Variants in ADGRG2 observed in about 807,000 individuals in gnomAD.
ADGRG2 encodes the protein G protein-coupled receptor 64.
Under a neutral mutation model 74.1 loss-of-function variants are expected in ADGRG2, and 26 were observed. The observed-to-expected ratio is 0.35, with a 90% CI of 0.26 to 0.49. The LOEUF (loss-of-function observed/expected upper bound fraction) is 0.49, where lower values mean the gene tolerates loss of function less well. Among genes scored for constraint, ADGRG2 ranks in the 20% least tolerant of loss-of-function variants. The pLI, the probability that ADGRG2 is intolerant of heterozygous loss-of-function variation, is 0.99. For synonymous variants in ADGRG2, 296 were observed against 295.2 expected (o/e 1.00, Z -0.03); for missense variants, 619 against 763.1 (o/e 0.81, Z 2.22).
intron 20 of ADGRG2, among the ~76,000 whole-genome samples, chrX:19,006,846 G>A (rs1029332005): frequency 4.8e-5 from 5 of 103,246 alleles, no homozygotes; most frequent in Non-Finnish European, 7.8e-5. Flanking sequence ...GCAGCCTTGA[G>A]CTCCCGGGCT....
At chrX:19,068,974 C>T (rs184356162) in intron 2 of ADGRG2, 139 bp from the exon 3 acceptor site, 3,736 of 346,465 alleles carry the variant, frequency 0.011, 118 homozygotes, top group African/African-American at 0.089. Context: ...GAATCAGAAA[C>T]GCCAGTTGGG....
At chrX:19,089,034 C>T (rs901741166) in intron 1 of ADGRG2, among the ~76,000 whole-genome samples, 7 of 111,699 alleles carry the variant, frequency 6.3e-5, no homozygotes, top group Non-Finnish European at 1.3e-4. Flanking sequence ...GATGAGGAAA[C>T]CCTTGCCCAT....
rs1451540427 is a variant in ADGRG2, at chrX:19,068,846, G to A, written c.-1-11C>T. On this transcript the variant is annotated splice_polypyrimidine_tract_variant and intron_variant, in intron 2 of 28. Transcript: ENST00000379869. ...ACAGAGAAAACCATCCTGGAATAAA[G>A]TAAGGAGAAGACAGATCATCACAGC... 1.1e-6 allele frequency: 1 copy of A among 874,090 alleles called. No homozygotes were observed. Among genetic ancestry groups the A allele is most frequent in the Admixed American group, 2.4e-5 (1 of 41,689 alleles). 72.0% of individuals were successfully genotyped at this position (874,090 alleles called of 1,213,427 possible). A position where few individuals can be genotyped will look rare whatever the true frequency, so the allele number is the denominator to read the frequency against.
Position 19,013,841 on chromosome X carries a change from G to C in ADGRG2, c.944C>G (p.Ala315Gly). 1 of 1,206,729 alleles carries C rather than the reference G, an allele frequency of 8.3e-7. No individual in the cohort carries two copies. The highest frequency in any genetic ancestry group is 1.1e-6 in the Non-Finnish European group (1 of 892,669). ...TTCAGACTGTGGGGGCATGTCAATGGCAGGGCTGGAAGCTATGGGAGCTGA... is the reference window on the plus strand; with the variant it reads ...TTCAGACTGTGGGGGCATGTCAATGCCAGGGCTGGAAGCTATGGGAGCTGA... ...QPSAPIASSPAIDMPPQSETI... is the reference protein window; with the variant it reads ...QPSAPIASSPGIDMPPQSETI... The change falls in exon 16 of 29, where the codon GCC becomes GGC. Residue 315 changes from alanine to glycine, a missense_variant. By Grantham distance (60) the Ala-to-Gly change is moderately conservative. This residue lies in a region of ADGRG2 where 292 missense variants were observed against 318.0 expected (regional missense o/e 0.92). Coordinates refer to ENST00000379869, the MANE Select transcript of ADGRG2 (RefSeq NM_001079858.3).
At chrX:18,993,765 AC>A (rs1005139106) in intron 28 of ADGRG2, among the ~76,000 whole-genome samples, 1 of 111,453 alleles carries the variant, frequency 9.0e-6, no homozygotes, top group Non-Finnish European at 1.9e-5. Context: ...AGATGTATGA[AC>A]CTTCTCACAA....
chrX:19,047,581 A>G (rs2061219661), intron 3 of ADGRG2, among the ~76,000 whole-genome samples: 1 of 112,412 alleles, frequency 8.9e-6, no homozygotes, highest in Admixed American at 9.4e-5. Context: ...GAGTGGATCT[A>G]AAAAGATTAC....
chrX:19,033,740 G>A, intron 7 of ADGRG2, 86 bp from the exon 8 acceptor site: 1 of 462,708 alleles, frequency 2.2e-6, no homozygotes, highest in Non-Finnish European at 3.9e-6. Flanking sequence ...TTAGTGAAGT[G>A]CTAAAAAAAA....
Position 19,013,924 on chromosome X carries a change from A to G in ADGRG2, c.861T>C (p.Pro287=). 8.3e-7 allele frequency: 1 copy of G among 1,211,056 alleles called. No individual in the cohort carries two copies. Among genetic ancestry groups the G allele is most frequent in the South Asian group, 1.8e-5 (1 of 56,922 alleles). Residue 287 remains proline (P), a synonymous_variant, in exon 16 of 29, where the codon CCT becomes CCC. Coordinates refer to ENST00000379869, the MANE Select transcript of ADGRG2 (RefSeq NM_001079858.3). ...TTGGAGAGGGAACATTGTGGGTCAC[A>G]GGTGAATAATCTGGAGGCTCAGCAA... ...TSFAEPPDYS[P]VTHNVPSPIG... is the part of the protein sequence containing the mutation.
intron 1 of ADGRG2, among the ~76,000 whole-genome samples, chrX:19,099,952 T>G (rs1351010083): frequency 1.8e-5 from 2 of 111,496 alleles, no homozygotes; most frequent in Non-Finnish European, 3.8e-5. Flanking sequence ...GGAGGATCAC[T>G]TGAGCCCAGG....
intron 1 of ADGRG2, among the ~76,000 whole-genome samples, chrX:19,083,176 T>C (rs1446181790): frequency 2.3e-4 from 21 of 91,846 alleles, no homozygotes; most frequent in African/African-American, 1.0e-3. Flanking sequence ...GCTAATTTTT[T>C]TTTTTTTTTT....
chrX:19,050,023 T>C (rs945605187), intron 3 of ADGRG2, among the ~76,000 whole-genome samples: 1 of 111,323 alleles, frequency 9.0e-6, no homozygotes, highest in Non-Finnish European at 1.9e-5. Context: ...CAGTTCACAA[T>C]TGAGCAGTGA....
At chrX:19,020,000 T>C (rs1314554029) in intron 14 of ADGRG2, among the ~76,000 whole-genome samples, 5 of 111,580 alleles carry the variant, frequency 4.5e-5, no homozygotes, top group Non-Finnish European at 9.4e-5. Flanking sequence ...AAATACCGCA[T>C]GATCTCACTC....
chrX:19,006,359 G>T, intron 20 of ADGRG2, 94 bp from the exon 21 acceptor site: 1 of 630,760 alleles, frequency 1.6e-6, no homozygotes, highest in Non-Finnish European at 2.5e-6. Context: ...AAAAAACTGT[G>T]GTTTTTTTTA....
rs2060576006 is a variant in ADGRG2 at position 19,020,956 on chromosome X, A to G, written c.643+148T>C. On this transcript the variant is annotated intron_variant, in intron 14 of 28. Coordinates refer to ENST00000379869, the MANE Select transcript of ADGRG2 (RefSeq NM_001079858.3). ...GGTGACAGACTGAGACTCTGCCTCAAAAAAAAAAGAGAGAGAAATTGCCCA... is the reference window on the plus strand; with the variant it reads ...GGTGACAGACTGAGACTCTGCCTCAGAAAAAAAAGAGAGAGAAATTGCCCA... 4 of 448,861 alleles carry G rather than the reference A, an allele frequency of 8.9e-6. No homozygotes were observed. The South Asian group carries it at 1.2e-4, about 14-fold the overall frequency. The allele number at this position is 448,861 out of a possible 1,213,427, so 37.0% of individuals were successfully genotyped here. A position where few individuals can be genotyped will look rare whatever the true frequency, so the allele number is the denominator to read the frequency against.
At chrX:19,076,981 T>C (rs1346124417) in intron 2 of ADGRG2, among the ~76,000 whole-genome samples, 1 of 111,728 alleles carries the variant, frequency 9.0e-6, no homozygotes, top group Non-Finnish European at 1.9e-5. Flanking sequence ...GCTAAAGGTA[T>C]TGATTATCTT....
chrX:19,000,722 C>T (rs1165069268), intron 24 of ADGRG2, among the ~76,000 whole-genome samples: 1 of 109,600 alleles, frequency 9.1e-6, no homozygotes, highest in Non-Finnish European at 1.9e-5. Flanking sequence ...TTACAGCTGC[C>T]AGTGTTGCCT....
chrX:19,093,436 A>C (rs1357386209), intron 1 of ADGRG2, among the ~76,000 whole-genome samples: 3 of 111,767 alleles, frequency 2.7e-5, no homozygotes, highest in Non-Finnish European at 5.6e-5. Flanking sequence ...AGAAACTCAC[A>C]TGTTCACTCC....
At chrX:19,086,167 G>A (rs2061932615) in intron 1 of ADGRG2, among the ~76,000 whole-genome samples, 1 of 111,736 alleles carries the variant, frequency 8.9e-6, no homozygotes, top group Non-Finnish European at 1.9e-5. Flanking sequence ...CTAGAGAAGC[G>A]GAACAGGAAT....
In ADGRG2 at chrX:19,073,286, G is replaced by T. The variant is rs766848266; in HGVS notation, c.-1-4451C>A. On this transcript the variant is annotated intron_variant, in intron 2 of 28. Coordinates refer to ENST00000379869, the MANE Select transcript of ADGRG2 (RefSeq NM_001079858.3). ...TGCTATCCAGGTCATCAACAAAGAG[G>T]ATCTGAACAGCCACTGGTTCTTAGT... 2.7e-5 allele frequency among the ~76,000 whole-genome samples: 3 copies of T among 112,491 alleles called. No individual in the cohort carries two copies. In the South Asian group the frequency reaches 1.1e-3, roughly 42 times the overall value.
Sources: gnomAD v4.1 joint callset for allele counts (sites outside exome capture counted in the v4.1 genomes callset) on GRCh38, gnomAD v4.1.1 for gene constraint, gnomAD v4.1.1 regional missense constraint, MANE v1.5 for transcripts, NCBI Gene and HGNC (gene_info 2026-07-23, HGNC 2026-07-21) for gene names.